The following GRM4 variants were observed in gnomAD, a reference collection of about 807,000 sequenced individuals.
The protein encoded by GRM4 is metabotropic glutamate receptor 4.
Under a neutral mutation model 81.7 loss-of-function variants are expected in GRM4, and 28 were observed. The observed-to-expected ratio is 0.34, with a 90% CI of 0.25 to 0.47. The LOEUF (loss-of-function observed/expected upper bound fraction) is 0.47, where lower values mean the gene tolerates loss of function less well. GRM4 is among the 20% of genes least tolerant of loss of function. GRM4 has a pLI of 1.00. For missense variants in GRM4, 948 were observed against 1,290.0 expected, an observed-to-expected ratio of 0.73 and a Z score of 4.06; for synonymous variants, 488 against 528.8, an observed-to-expected ratio of 0.92 and a Z score of 1.06.
In GRM4 at chr6:34,040,531, C is replaced by A; in HGVS notation, c.1369+17G>T. ...CAGGATACCCAGGGTCAGGCACAGT[C>A]CGCACCACACCCCCACCTGAGAAGT... On this transcript the variant is annotated intron_variant, in intron 7 of 10. Transcript: ENST00000538487. 1 of 1,606,524 alleles carries A rather than the reference C, an allele frequency of 6.2e-7. No individual in the cohort carries two copies. The highest frequency in any genetic ancestry group is 1.1e-5 in the South Asian group (1 of 90,014).
At chr6:34,058,919 T>A (rs1477385707) in intron 5 of GRM4, 55 bp downstream of exon 5, 1 of 1,413,718 alleles carries the variant, frequency 7.1e-7, no homozygotes, top group Non-Finnish European at 9.9e-7. Flanking sequence ...CGAGGAGGGA[T>A]GGCAGGAGGA....
At position 34,022,983 on chromosome 6, in the gene GRM4, T is replaced by C; in HGVS notation, c.2690-113A>G. The C allele has an allele frequency of 1.2e-6, 1 of 832,306 alleles. No homozygotes were observed. The highest frequency in any genetic ancestry group is 2.1e-6 in the Non-Finnish European group (1 of 483,854). 51.6% of individuals were successfully genotyped at this position (832,306 alleles called of 1,614,324 possible). ...ACCTACCATAGCTCCCCGCCTCTCA[T>C]GGCATCCAGTCCTGAGCTGAGCAAT... is the stretch of plus-strand genomic sequence containing the variant. On this transcript the variant is annotated intron_variant, in intron 10 of 10. Transcript: ENST00000538487. The surrounding 1 kb of genome is among the most constrained non-coding windows in gnomAD (Gnocchi z 5.6).
chr6:34,033,172 A>G (rs1764518073), intron 9 of GRM4, among the ~76,000 whole-genome samples: 1 of 152,180 alleles, frequency 6.6e-6, no homozygotes, highest in Non-Finnish European at 1.5e-5. Context: ...TGGCTGCACC[A>G]GGGCTGCTTG....
Position 34,114,504 on chromosome 6 carries a change from C to T in GRM4, c.519+18474G>A, listed in dbSNP as rs879076714. ...AAGGAATACTTTTAACTCCCAAATC[C>T]AAGCAGGCACCATCCTGCAGGATCA... On this transcript the variant is annotated intron_variant, in intron 2 of 10. Transcript: ENST00000538487. The surrounding 1 kb of genome is among the most constrained non-coding windows in gnomAD (Gnocchi z 4.3). Among the ~76,000 whole-genome samples the T allele has an allele frequency of 6.6e-6, 1 of 152,122 alleles. No individual in the cohort carries two copies. The highest frequency in any genetic ancestry group is 1.5e-5 in the Non-Finnish European group (1 of 68,020).
chr6:34,051,804 G>A (rs947857506), intron 6 of GRM4, among the ~76,000 whole-genome samples: 3 of 152,144 alleles, frequency 2.0e-5, no homozygotes, highest in African/African-American at 7.2e-5. Context: ...CATGAGGGAG[G>A]TAGCACTCTG....
At chr6:34,100,956 T>C (rs1768802584) in intron 2 of GRM4, among the ~76,000 whole-genome samples, 1 of 152,210 alleles carries the variant, frequency 6.6e-6, no homozygotes, top group Non-Finnish European at 1.5e-5. Flanking sequence ...AGAGTTAAGC[T>C]GACGCTATTT....
intron 1 of GRM4, among the ~76,000 whole-genome samples, chr6:34,137,414 A>C (rs1230605530): frequency 6.6e-6 from 1 of 152,134 alleles, no homozygotes; most frequent in African/African-American, 2.4e-5. Flanking sequence ...GTGAATGGGG[A>C]TGTAAGGGGA....
At chr6:34,046,659 T>C (rs762428936) in intron 6 of GRM4, among the ~76,000 whole-genome samples, 2 of 152,186 alleles carry the variant, frequency 1.3e-5, no homozygotes, top group Non-Finnish European at 2.9e-5. Context: ...ATGAGCCCCA[T>C]TGGTGCACAC....
Position 34,028,333 on chromosome 6 carries a change from C to A in GRM4, c.2476G>T (p.Val826Leu). The A allele has an allele frequency of 6.2e-7, 1 of 1,612,210 alleles. No individual in the cohort carries two copies. Among genetic ancestry groups the A allele is most frequent in the Non-Finnish European group, 8.5e-7 (1 of 1,179,936 alleles). ...AGGGACACCGAGGCGCTCAGACTCA[C>A]CGAGACCGTCAGCGTCGTCGTCTGG... is the stretch of plus-strand genomic sequence containing the variant. Reference protein sequence around the residue: ...YIQTTTLTVSVSLSASVSLGM... With the variant: ...YIQTTTLTVSLSLSASVSLGM... The change falls in exon 10 of 11, where the codon GTG becomes TTG. Residue 826 changes from valine (V) to leucine (L), a missense_variant. Physicochemically the swap from Val to Leu is conservative, Grantham distance 32. Coordinates refer to ENST00000538487, the MANE Select transcript of GRM4 (RefSeq NM_000841.4).
At chr6:34,044,205 TATAC>T (rs949104152) in intron 6 of GRM4, among the ~76,000 whole-genome samples, 2 of 132,776 alleles carry the variant, frequency 1.5e-5, no homozygotes, top group African/African-American at 3.1e-5. Context: ...CACACATATA[TATAC>T]ATACATACAC....
intron 3 of GRM4, among the ~76,000 whole-genome samples, chr6:34,067,813 G>A (rs1301735418): frequency 6.6e-6 from 1 of 152,144 alleles, no homozygotes; most frequent in African/African-American, 2.4e-5. Flanking sequence ...CATGCAGGTG[G>A]CAGAGGAAGG....
intron 6 of GRM4, among the ~76,000 whole-genome samples, chr6:34,044,183 C>CAT (rs1765163089): frequency 6.7e-6 from 1 of 149,130 alleles, no homozygotes; most frequent in South Asian, 2.1e-4. Flanking sequence ...TACATACATA[C>CAT]ACATATATAC....
chr6:34,084,758 A>G (rs1451467709), intron 3 of GRM4, among the ~76,000 whole-genome samples: 1 of 152,078 alleles, frequency 6.6e-6, no homozygotes, highest in Admixed American at 6.5e-5. Flanking sequence ...CTGCCTGTTC[A>G]TTCACACCTC....
rs3798535 is a variant in GRM4, at chr6:34,058,495, A to G, written c.1027+479T>C. On this transcript the variant is annotated intron_variant, in intron 5 of 10. Coordinates refer to ENST00000538487, the MANE Select transcript of GRM4 (RefSeq NM_000841.4). ...TGCCAGGTCCCTGCCAAATCAGGCC[A>G]TTAACGAGAACGTCACACCTCACTC... is the stretch of plus-strand genomic sequence containing the variant. Among the ~76,000 whole-genome samples the G allele has an allele frequency of 1.0e-3, 159 of 152,298 alleles. 2 individuals carry two copies. In the East Asian group the frequency reaches 0.022, roughly 22 times the overall value.
chr6:34,113,923 T>C (rs982066419), intron 2 of GRM4, among the ~76,000 whole-genome samples: 2 of 152,072 alleles, frequency 1.3e-5, no homozygotes, highest in Non-Finnish European at 1.5e-5. Context: ...TGCCACACCT[T>C]CCCCTCCCCT....
intron 2 of GRM4, among the ~76,000 whole-genome samples, chr6:34,120,835 C>T (rs1210025884): frequency 6.6e-6 from 1 of 152,226 alleles, no homozygotes; most frequent in East Asian, 1.9e-4. Context: ...ACCTTGTGAT[C>T]CGCCCACCTC....
At chr6:34,105,070 G>A (rs569929008) in intron 2 of GRM4, among the ~76,000 whole-genome samples, 23 of 151,488 alleles carry the variant, frequency 1.5e-4, no homozygotes, top group African/African-American at 4.6e-4. Flanking sequence ...GTGCGTTCTC[G>A]AGTCAAGTTA....
At chr6:34,122,728 TTGTCTGTCTGTC>T (rs370079388) in intron 2 of GRM4, among the ~76,000 whole-genome samples, 26 of 150,664 alleles carry the variant, frequency 1.7e-4, no homozygotes, top group Admixed American at 4.0e-4. Context: ...CTTCCCCGGT[TTGTCTGTCTGTC>T]TGTCTGTCTG....
At chr6:34,107,255 G>C (rs1307398429) in intron 2 of GRM4, among the ~76,000 whole-genome samples, 3 of 152,156 alleles carry the variant, frequency 2.0e-5, no homozygotes, top group Admixed American at 6.5e-5. Flanking sequence ...CCCACATACA[G>C]GTACTCATGG....
Sources: allele counts gnomAD v4.1 joint callset (sites outside exome capture counted in the v4.1 genomes callset), GRCh38; gene constraint gnomAD v4.1.1; non-coding constraint Gnocchi (gnomAD v3.1); transcripts MANE v1.5; gene names NCBI Gene and HGNC (gene_info 2026-07-23, HGNC 2026-07-21).